ZNF469: variants seen among roughly 807,000 people sequenced by gnomAD.
ZNF469 encodes zinc finger protein 469.
In ZNF469, 1 loss-of-function variant was observed where a neutral mutation model predicts 1.0. That is an observed-to-expected ratio of 1.00 (90% CI 0.35 to 4.73). ZNF469 has a LOEUF of 4.73. Ranked by LOEUF, ZNF469 falls within the 30% of genes most tolerant of loss-of-function variation. The pLI, the probability that ZNF469 is intolerant of heterozygous loss-of-function variation, is 0.16. For missense variants in ZNF469, 6,100 were observed against 5,356.3 expected (o/e 1.14, Z -4.33); for synonymous variants, 2,703 against 2,363.4 (o/e 1.14, Z -4.17).
the ZNF469 span, among the ~76,000 whole-genome samples, chr16:88,215,383 A>ACTTTT: frequency 8.1e-3 from 760 of 94,120 alleles, 38 homozygotes; most frequent in Non-Finnish European, 8.9e-3. Flanking sequence ...TTGCCTTTTA[A>ACTTTT]TTTTTTTTTT....
At chr16:88,176,400 C>G in the ZNF469 span, among the ~76,000 whole-genome samples, 1 of 149,704 alleles carries the variant, frequency 6.7e-6, no homozygotes, top group African/African-American at 2.5e-5. Flanking sequence ...GGGGAGCTGG[C>G]TGGGACACCC....
chr16:88,280,078 C>G, the ZNF469 span, among the ~76,000 whole-genome samples: 15,427 of 151,174 alleles, frequency 0.1, 2,842 homozygotes, highest in African/African-American at 0.36. Context: ...CGCCGACACT[C>G]AGTCGGTACC....
chr16:88,394,724 T>A (rs569923885), intron 1 of ZNF469, among the ~76,000 whole-genome samples: 1 of 152,116 alleles, frequency 6.6e-6, no homozygotes, highest in East Asian at 1.9e-4. Flanking sequence ...GTTCAGAGAG[T>A]GAAAGGTGCA....
Position 88,421,219 on chromosome 16 carries a change from C to A in ZNF469, c.-191-3588C>A, listed in dbSNP as rs980273585. Among the ~76,000 whole-genome samples, 8 of 152,178 alleles carry A rather than the reference C, an allele frequency of 5.3e-5. No individual in the cohort carries two copies. The East Asian group carries it at 7.7e-4, about 15-fold the overall frequency. ...TTTCAGGCACTGGCATTCCCCCACA[C>A]CCCCAGCCAGAGCCACCCCAACCTG... On this transcript the variant is annotated intron_variant, in intron 1 of 2. Coordinates refer to ENST00000565624, the MANE Select transcript of ZNF469 (RefSeq NM_001367624.2).
chr16:88,354,396 G>A, the ZNF469 span, among the ~76,000 whole-genome samples: 4 of 152,282 alleles, frequency 2.6e-5, no homozygotes, highest in Middle Eastern at 3.4e-3. Flanking sequence ...CGCAGGCGGC[G>A]GGAGTGGAGA....
chr16:88,423,511 T>C (rs1905573165), intron 1 of ZNF469, among the ~76,000 whole-genome samples: 1 of 152,198 alleles, frequency 6.6e-6, no homozygotes, highest in South Asian at 2.1e-4. Context: ...CGGTTGTCTA[T>C]TGCTGTATCA....
the ZNF469 span, among the ~76,000 whole-genome samples, chr16:88,319,266 C>T: frequency 6.6e-6 from 1 of 152,144 alleles, no homozygotes; most frequent in Admixed American, 6.5e-5. Context: ...GACCTGGACA[C>T]CTGCCTTTCT....
chr16:88,304,223 G>T, the ZNF469 span, among the ~76,000 whole-genome samples: 1 of 152,156 alleles, frequency 6.6e-6, no homozygotes, highest in Admixed American at 6.5e-5. Context: ...TATCTTATCT[G>T]GGAGGTCACG....
intron 1 of ZNF469, among the ~76,000 whole-genome samples, chr16:88,398,403 C>A (rs916273907): frequency 3.5e-4 from 43 of 123,216 alleles, no homozygotes; most frequent in Middle Eastern, 4.2e-3. Context: ...GACATGTGAG[C>A]CACAGATGAA....
At chr16:88,426,865 G>A (rs962350000) in intron 2 of ZNF469, among the ~76,000 whole-genome samples, 14 of 152,156 alleles carry the variant, frequency 9.2e-5, no homozygotes, top group Admixed American at 4.6e-4. Flanking sequence ...GTCCTGCAAC[G>A]CAGCCTCCTG....
chr16:88,400,567 G>A lies in ZNF469; in HGVS notation c.-192+17313G>A, dbSNP rs1482291777. ...GCCCAAAGGCCTTCCTGGGGCCAGG[G>A]ACCCAACTGCTCCACATCAGTCCCT... On this transcript the variant is annotated intron_variant, in intron 1 of 2. Transcript: ENST00000565624. Among the ~76,000 whole-genome samples the A allele has an allele frequency of 5.3e-5, 8 of 152,146 alleles. 1 individual carries two copies. Among genetic ancestry groups the A allele is most frequent in the Admixed American group, 5.2e-4 (8 of 15,272 alleles).
chr16:88,288,746 C>G, the ZNF469 span, among the ~76,000 whole-genome samples: 1 of 152,224 alleles, frequency 6.6e-6, no homozygotes. Context: ...AATCTCCTGA[C>G]TTCCAGGCTC....
the ZNF469 span, among the ~76,000 whole-genome samples, chr16:88,332,765 A>C: frequency 6.6e-6 from 1 of 152,112 alleles, no homozygotes; most frequent in Non-Finnish European, 1.5e-5. Flanking sequence ...ACCACTGCTC[A>C]GGCCGGCTCT....
chr16:88,216,777 C>A, the ZNF469 span, among the ~76,000 whole-genome samples: 1 of 152,108 alleles, frequency 6.6e-6, no homozygotes, highest in African/African-American at 2.4e-5. Flanking sequence ...GGATGTTAAC[C>A]TTTTAACTAT....
At chr16:88,362,271 A>G in the ZNF469 span, among the ~76,000 whole-genome samples, 1 of 152,198 alleles carries the variant, frequency 6.6e-6, no homozygotes, top group African/African-American at 2.4e-5. Flanking sequence ...GTTTTTGCAT[A>G]GAATGTCAAA....
intron 1 of ZNF469, among the ~76,000 whole-genome samples, chr16:88,409,780 G>T (rs1905096475): frequency 6.7e-6 from 1 of 149,906 alleles, no homozygotes; most frequent in Non-Finnish European, 1.5e-5. Flanking sequence ...GGGCATCCAG[G>T]CAGCTTGGGC....
the ZNF469 span, among the ~76,000 whole-genome samples, chr16:88,127,188 G>A: frequency 2.0e-5 from 3 of 152,062 alleles, no homozygotes; most frequent in African/African-American, 7.2e-5. Flanking sequence ...GCTCACGAGG[G>A]CCTTGCTCTG....
rs1471829166 is a variant in ZNF469 at position 88,434,819 on chromosome 16, G to A, written c.7349G>A (p.Gly2450Asp). 5 of 1,550,344 alleles carry A rather than the reference G, an allele frequency of 3.2e-6. No homozygotes were observed. The highest frequency in any genetic ancestry group is 2.0e-5 in the Admixed American group (1 of 51,008). The change falls in exon 3 of 3, where the codon GGC becomes GAC. Residue 2450 changes from glycine to aspartate, a missense_variant. Coordinates refer to ENST00000565624, the MANE Select transcript of ZNF469 (RefSeq NM_001367624.2). ...CAAGACCTCAAACAGAGGTCCCGTG[G>A]CTATAAAAAGAAGCCTGCATCTACA... Reference protein sequence around the residue: ...GPQDLKQRSRGYKKKPASTEN... With the variant: ...GPQDLKQRSRDYKKKPASTEN...
At chr16:88,274,303 G>C in the ZNF469 span, among the ~76,000 whole-genome samples, 3 of 152,246 alleles carry the variant, frequency 2.0e-5, no homozygotes, top group African/African-American at 4.8e-5. Context: ...CAGTTGGAAA[G>C]CTGAAGAGAG....
Sources: gnomAD v4.1 joint callset for allele counts (sites outside exome capture counted in the v4.1 genomes callset) on GRCh38, gnomAD v4.1.1 for gene constraint, MANE v1.5 for transcripts, NCBI Gene and HGNC (gene_info 2026-07-23, HGNC 2026-07-21) for gene names.